MYO7A: variants seen among roughly 807,000 people sequenced by gnomAD.
MYO7A encodes the protein myosin VIIA.
MYO7A carries 210 observed loss-of-function variants against 263.8 expected under a neutral mutation model. That is an observed-to-expected ratio of 0.80 (90% CI 0.71 to 0.89). The LOEUF (loss-of-function observed/expected upper bound fraction) is 0.89. MYO7A is among the 40% of genes least tolerant of loss of function. MYO7A has a pLI of 0.00. For synonymous variants in MYO7A, 1,239 were observed against 1,197.3 expected, an observed-to-expected ratio of 1.03 and a Z score of -0.72; for missense variants, 2,820 against 2,968.3, an observed-to-expected ratio of 0.95 and a Z score of 1.16.
rs397516299 is a variant in MYO7A, at chr11:77,183,160, G to A, written c.3375+3G>A. ...AGAAGTCCAAGCTCACAGAGGAGGT[G>A]AGGGCAGACGCTGGGGGTCTGGCAG... On this transcript the variant is annotated splice_donor_region_variant and intron_variant, in intron 26 of 48. Coordinates refer to ENST00000409709, the MANE Select transcript of MYO7A (RefSeq NM_000260.4). 20 of 1,551,306 alleles carry A rather than the reference G, an allele frequency of 1.3e-5. No individual in the cohort carries two copies. Among genetic ancestry groups the A allele is most frequent in the Middle Eastern group, 1.7e-4 (1 of 5,998 alleles).
intron 4 of MYO7A, among the ~76,000 whole-genome samples, chr11:77,149,308 G>T (rs1482156418): frequency 6.6e-6 from 1 of 152,206 alleles, no homozygotes; most frequent in Non-Finnish European, 1.5e-5. Context: ...GGGCATTACT[G>T]GGGGAGGTGT....
intron 15 of MYO7A, among the ~76,000 whole-genome samples, chr11:77,171,662 G>A (rs1555076053): frequency 6.6e-6 from 1 of 152,134 alleles, no homozygotes; most frequent in African/African-American, 2.4e-5. Context: ...CAGATGAAAT[G>A]ATGACTCTAA....
At chr11:77,168,029 G>A (rs1953720751) in intron 15 of MYO7A, among the ~76,000 whole-genome samples, 1 of 152,082 alleles carries the variant, frequency 6.6e-6, no homozygotes, top group Non-Finnish European at 1.5e-5. Flanking sequence ...GTACTGCTGA[G>A]ACGGGCGTAG....
rs781868818 is a variant in MYO7A at position 77,161,086 on chromosome 11, C to T, written c.1314C>T (p.Ile438=). 8.0e-5 allele frequency: 129 copies of T among 1,613,880 alleles called. No individual in the cohort carries two copies. Among genetic ancestry groups the T allele is most frequent in the Non-Finnish European group, 1.0e-4 (123 of 1,179,890 alleles). ...NSRRSIGLLD[I]FGFENFAVNS... is the part of the protein sequence containing the mutation. ...GCAGGTCCATCGGCCTCCTGGACAT[C>T]TTTGGGTTTGAGAACTTTGCTGTGA... is the stretch of plus-strand genomic sequence containing the variant. Residue 438 remains isoleucine (I), a synonymous_variant, in exon 12 of 49, where the codon ATC becomes ATT. Transcript: ENST00000409709.
chr11:77,157,033 T>C, intron 7 of MYO7A, 29 bp downstream of exon 7: 1 of 1,606,296 alleles, frequency 6.2e-7, no homozygotes. Flanking sequence ...GATGCAGGAA[T>C]AGACCCAGGC....
At chr11:77,188,189 T>A (rs1555089437) in intron 27 of MYO7A, among the ~76,000 whole-genome samples, 1 of 152,188 alleles carries the variant, frequency 6.6e-6, no homozygotes, top group African/African-American at 2.4e-5. Context: ...ATCTGTAAAG[T>A]GAGTGGAGAC....
intron 29 of MYO7A, 75 bp from the exon 30 acceptor site, chr11:77,190,622 C>T: frequency 2.7e-6 from 4 of 1,487,694 alleles, no homozygotes; most frequent in Admixed American, 2.0e-5. Flanking sequence ...CCACAGAAAG[C>T]AGAGAGCCAA....
chr11:77,192,852 GGTGTTGGTA>G (rs1956201570), intron 31 of MYO7A, among the ~76,000 whole-genome samples: 1 of 152,254 alleles, frequency 6.6e-6, no homozygotes, highest in Non-Finnish European at 1.5e-5. Flanking sequence ...AGGTAGTGAT[GGTGTTGGTA>G]ATGATGATGG....
chr11:77,196,234 G>C (rs1956652806), intron 32 of MYO7A, among the ~76,000 whole-genome samples: 4 of 152,206 alleles, frequency 2.6e-5, no homozygotes, highest in Admixed American at 2.6e-4. Context: ...AGGCGTGGTG[G>C]TGGGTGCCTG....
rs1952945828 is a variant in MYO7A at position 77,161,043 on chromosome 11, A to G, written c.1271A>G (p.Gln424Arg). 1 of 1,613,892 alleles carries G rather than the reference A, an allele frequency of 6.2e-7. No individual in the cohort carries two copies. Among genetic ancestry groups the G allele is most frequent in the East Asian group, 2.2e-5 (1 of 44,874 alleles). Residue 424 changes from glutamine to arginine, a missense_variant, in exon 12 of 49, where the codon CAG becomes CGG. Coordinates refer to ENST00000409709, the MANE Select transcript of MYO7A (RefSeq NM_000260.4). Reference sequence around the variant, plus strand: ...GCAGCAATTTACAAGCCTCCCTCCCAGGATGTGAAGAACTCTCGCAGGTCC... The same window carrying G: ...GCAGCAATTTACAAGCCTCCCTCCCGGGATGTGAAGAACTCTCGCAGGTCC... ...INAAIYKPPS[Q>R]DVKNSRRSIG...
chr11:77,198,961 C>T (rs1956875265), intron 34 of MYO7A, among the ~76,000 whole-genome samples: 2 of 152,208 alleles, frequency 1.3e-5, no homozygotes, highest in African/African-American at 2.4e-5. Context: ...ATACTTTTCT[C>T]GCATAACAGT....
chr11:77,213,553 C>A (rs1312882436), intron 47 of MYO7A, among the ~76,000 whole-genome samples: 1 of 152,090 alleles, frequency 6.6e-6, no homozygotes, highest in Admixed American at 6.5e-5. Context: ...GCCCTGTCTT[C>A]TTCTTGGCTC....
chr11:77,210,041 G>A (rs761470687), intron 44 of MYO7A, among the ~76,000 whole-genome samples: 25 of 152,208 alleles, frequency 1.6e-4, no homozygotes, highest in Non-Finnish European at 3.5e-4. Flanking sequence ...GCTTTTAGAT[G>A]TCAGTCAGCC....
intron 4 of MYO7A, among the ~76,000 whole-genome samples, chr11:77,154,330 G>A (rs1419349369): frequency 6.6e-6 from 1 of 152,154 alleles, no homozygotes; most frequent in Non-Finnish European, 1.5e-5. Context: ...GCTGGGCAGG[G>A]CTGAACTATA....
At chr11:77,192,319 C>A in intron 31 of MYO7A, 41 bp downstream of exon 31, 2 of 1,585,190 alleles carry the variant, frequency 1.3e-6, no homozygotes, top group South Asian at 1.1e-5. Flanking sequence ...GCTTGGCTCA[C>A]AGCCTCCTGC....
At chr11:77,207,926 C>T (rs1957566540) in intron 42 of MYO7A, among the ~76,000 whole-genome samples, 1 of 152,178 alleles carries the variant, frequency 6.6e-6, no homozygotes, top group African/African-American at 2.4e-5. Flanking sequence ...GTCTTCCAGG[C>T]CCAGCTAAAG....
chr11:77,164,030 C>A (rs1229618527), intron 14 of MYO7A, among the ~76,000 whole-genome samples: 1 of 152,084 alleles, frequency 6.6e-6, no homozygotes, highest in Non-Finnish European at 1.5e-5. Context: ...CCATTAGGCT[C>A]AAAGTCAGGC....
chr11:77,177,560 C>G lies in MYO7A; in HGVS notation c.2199C>G (p.Asp733Glu), dbSNP rs1426051381. ...GCTCTGCCTCCTAGGACCACCATGA[C>G]ATGCTGCTGGAAGTGGAGCGGGACA... ...KTKIFLKDHH[D>E]MLLEVERDKA... is the part of the protein sequence containing the mutation. Residue 733 changes from aspartate (D) to glutamate (E), a missense_variant, in exon 19 of 49, where the codon GAC (aspartate) becomes GAG (glutamate). Asp to Glu is a conservative substitution (Grantham distance 45, BLOSUM62 2). Transcript: ENST00000409709. 2 of 1,610,854 alleles carry G rather than the reference C, an allele frequency of 1.2e-6. No individual in the cohort carries two copies. The highest frequency in any genetic ancestry group is 1.7e-6 in the Non-Finnish European group (2 of 1,178,934).
chr11:77,204,653 G>C (rs767577942), intron 39 of MYO7A, among the ~76,000 whole-genome samples: 16 of 152,154 alleles, frequency 1.1e-4, no homozygotes, highest in Admixed American at 2.0e-4. Flanking sequence ...TGCCCAAAGG[G>C]TGCCACCTTC....
Sources: gnomAD v4.1 joint callset for allele counts (sites outside exome capture counted in the v4.1 genomes callset) on GRCh38, gnomAD v4.1.1 for gene constraint, MANE v1.5 for transcripts, NCBI Gene and HGNC (gene_info 2026-07-23, HGNC 2026-07-21) for gene names.